STX8: variants seen among roughly 807,000 people sequenced by gnomAD.
The protein encoded by STX8 is syntaxin 8, also known as syntaxin-8.
In STX8, 23 loss-of-function variants were observed where a neutral mutation model predicts 37.5. The observed-to-expected ratio is 0.61, with a 90% CI of 0.44 to 0.87. The LOEUF is 0.87. STX8 is among the 40% of genes least tolerant of loss of function. The pLI is 0.00. For missense variants in STX8, 313 were observed against 284.7 expected, an observed-to-expected ratio of 1.10 and a Z score of -0.71; for synonymous variants, 115 against 99.1, an observed-to-expected ratio of 1.16 and a Z score of -0.95.
intron 6 of STX8, among the ~76,000 whole-genome samples, chr17:9,434,209 T>G (rs1312398543): frequency 6.6e-6 from 1 of 152,122 alleles, no homozygotes; most frequent in Non-Finnish European, 1.5e-5. Context: ...TTCACCATAT[T>G]AGCCAGGAGG....
At chr17:9,374,723 G>T (rs1207901429) in intron 7 of STX8, among the ~76,000 whole-genome samples, 3 of 152,036 alleles carry the variant, frequency 2.0e-5, no homozygotes, top group African/African-American at 7.2e-5. Flanking sequence ...ATTACAAAAA[G>T]AATTGAAGAA....
In STX8 at chr17:9,509,879, T is replaced by C. The variant is rs138336026; in HGVS notation, c.324-4717A>G. Among the ~76,000 whole-genome samples the C allele has an allele frequency of 9.6e-3, 1,399 of 145,818 alleles. 21 individuals are homozygous for C. The highest frequency in any genetic ancestry group is 0.033 in the African/African-American group (1,329 of 39,958). On this transcript the variant is annotated intron_variant, in intron 4 of 7. Coordinates refer to ENST00000306357, the MANE Select transcript of STX8 (RefSeq NM_004853.3). ...AGACTAGACTCAACTATATGCTGCATAGAAGAAACTCACCTGACCTACAGA... is the reference window on the plus strand; with the variant it reads ...AGACTAGACTCAACTATATGCTGCACAGAAGAAACTCACCTGACCTACAGA...
chr17:9,383,758 TCTAATAAATTTGCACATACA>T (rs1490388967), intron 6 of STX8, among the ~76,000 whole-genome samples: 3 of 152,120 alleles, frequency 2.0e-5, no homozygotes, highest in Non-Finnish European at 4.4e-5. Flanking sequence ...AGTAAGTAAA[TCTAATAAATTTGCACATACA>T]GTCAATAGTA....
At chr17:9,255,537 AATAAATAAATAAATAAATAT>A (rs199608241) in intron 7 of STX8, among the ~76,000 whole-genome samples, 4,657 of 76,916 alleles carry the variant, frequency 0.061, 71 homozygotes, top group Non-Finnish European at 0.075. Flanking sequence ...AAAATAAATA[AATAAATAAATAAATAAATAT>A]ATAAATAAAT....
intron 7 of STX8, among the ~76,000 whole-genome samples, chr17:9,326,815 A>T (rs1192481700): frequency 6.6e-6 from 1 of 152,252 alleles, no homozygotes; most frequent in African/African-American, 2.4e-5. Flanking sequence ...AGACAGAGGC[A>T]TAACAGATTT....
At chr17:9,294,307 A>G (rs1908433793) in intron 7 of STX8, among the ~76,000 whole-genome samples, 1 of 152,228 alleles carries the variant, frequency 6.6e-6, no homozygotes, top group African/African-American at 2.4e-5. Flanking sequence ...GTGAAAGAGG[A>G]AGAGAACTCG....
chr17:9,459,005 G>C (rs1905273284), intron 6 of STX8, among the ~76,000 whole-genome samples: 1 of 151,776 alleles, frequency 6.6e-6, no homozygotes, highest in Admixed American at 6.6e-5. Flanking sequence ...AATGCTTTTT[G>C]TATTTTTTAG....
intron 7 of STX8, chr17:9,378,289 A>T (rs1236085197): frequency 2.7e-6 from 1 of 368,288 alleles, no homozygotes; most frequent in Non-Finnish European, 5.1e-6. Flanking sequence ...CCAAACCATT[A>T]ATCTCTGTAA....
chr17:9,441,714 T>TC (rs1490187083), intron 6 of STX8, among the ~76,000 whole-genome samples: 3 of 137,810 alleles, frequency 2.2e-5, no homozygotes, highest in Non-Finnish European at 3.1e-5. Flanking sequence ...TCTCGCTCTG[T>TC]GCCAAGGCTG....
chr17:9,395,087 A>AC (rs995633660), intron 6 of STX8, among the ~76,000 whole-genome samples: 3 of 151,656 alleles, frequency 2.0e-5, no homozygotes, highest in African/African-American at 7.3e-5. Context: ...AAAAAAAAAA[A>AC]AGTTTAAACA....
At chr17:9,322,972 G>T (rs1433069875) in intron 7 of STX8, among the ~76,000 whole-genome samples, 1 of 151,204 alleles carries the variant, frequency 6.6e-6, no homozygotes, top group Admixed American at 6.6e-5. Context: ...CCATTCTTTC[G>T]GTGGTCAAAA....
chr17:9,438,392 C>A (rs73261868), intron 6 of STX8, among the ~76,000 whole-genome samples: 8,248 of 150,940 alleles, frequency 0.055, 767 homozygotes, highest in African/African-American at 0.19. Flanking sequence ...CGTCTGAGAG[C>A]TGGTCAGAAG....
chr17:9,418,235 G>C (rs988259963), intron 6 of STX8, among the ~76,000 whole-genome samples: 1 of 152,230 alleles, frequency 6.6e-6, no homozygotes, highest in Non-Finnish European at 1.5e-5. Flanking sequence ...CAGAGACGTG[G>C]TATTGGAAAA....
intron 7 of STX8, among the ~76,000 whole-genome samples, chr17:9,327,353 AGGAGAG>A (rs1334598221): frequency 7.4e-5 from 11 of 148,006 alleles, no homozygotes; most frequent in East Asian, 2.1e-4. Context: ...GAGGAGGAGA[AGGAGAG>A]GGAGAGGGAG....
At chr17:9,376,414 AGACCAATCAGCACTCTGTAAAATG>A (rs1177644485) in intron 7 of STX8, among the ~76,000 whole-genome samples, 5,325 of 151,890 alleles carry the variant, frequency 0.035, 323 homozygotes, top group African/African-American at 0.12. Context: ...CTGTAAAAAT[AGACCAATCAGCACTCTGTAAAATG>A]GACCAATCAG....
Position 9,307,067 on chromosome 17 carries a change from T to A in STX8, c.644-56422A>T, listed in dbSNP as rs183981391. Among the ~76,000 whole-genome samples, 12 of 152,188 alleles carry A rather than the reference T, an allele frequency of 7.9e-5. 1 individual carries two copies. In the East Asian group the frequency reaches 2.3e-3, roughly 29 times the overall value. On this transcript the variant is annotated intron_variant, in intron 7 of 7. Transcript: ENST00000306357. Reference sequence around the variant, plus strand: ...GGAACCTGGGAGGCAGAGGTTGCAGTGAGCTGAGATCCTGCCACTGCACTC... The same window carrying A: ...GGAACCTGGGAGGCAGAGGTTGCAGAGAGCTGAGATCCTGCCACTGCACTC...
At chr17:9,524,410 T>C (rs1402257544) in intron 4 of STX8, among the ~76,000 whole-genome samples, 1 of 152,152 alleles carries the variant, frequency 6.6e-6, no homozygotes, top group East Asian at 1.9e-4. Flanking sequence ...GCCTTCTACA[T>C]GTTCTCATAT....
At chr17:9,262,511 A>G (rs1907073771) in intron 7 of STX8, among the ~76,000 whole-genome samples, 1 of 151,892 alleles carries the variant, frequency 6.6e-6, no homozygotes, top group African/African-American at 2.4e-5. Flanking sequence ...AAATAACTCA[A>G]CATCACTCAA....
intron 7 of STX8, among the ~76,000 whole-genome samples, chr17:9,342,645 G>A (rs754689507): frequency 2.0e-5 from 3 of 152,132 alleles, no homozygotes; most frequent in Non-Finnish European, 4.4e-5. Context: ...TGATAGTGGG[G>A]TGAGGGGTTG....
Sources: allele counts gnomAD v4.1 joint callset (sites outside exome capture counted in the v4.1 genomes callset), GRCh38; gene constraint gnomAD v4.1.1; transcripts MANE v1.5; gene names NCBI Gene and HGNC (gene_info 2026-07-23, HGNC 2026-07-21).